The following MYRIP variants were observed in gnomAD, a reference collection of about 807,000 sequenced individuals.
The protein encoded by MYRIP is myosin VIIA and Rab interacting protein, also known as rab effector MyRIP.
In MYRIP, 49 loss-of-function variants were observed where a neutral mutation model predicts 98.0. That is an observed-to-expected ratio of 0.50 (90% CI 0.40 to 0.63). The LOEUF (loss-of-function observed/expected upper bound fraction) is 0.63, where lower values mean the gene tolerates loss of function less well. Ranked by LOEUF, MYRIP falls within the 30% of genes least tolerant of loss-of-function variation. The pLI, the probability that MYRIP is intolerant of heterozygous loss-of-function variation, is 0.00. For synonymous variants in MYRIP, 404 were observed against 409.5 expected (o/e 0.99, Z 0.16); for missense variants, 1,004 against 1,058.2 (o/e 0.95, Z 0.71).
rs753336555 is a variant in MYRIP at position 40,209,892 on chromosome 3, G to A, written c.1704G>A (p.Glu568=). ...TATCAGAGACAGACATCAGCAATGA[G>A]GCTCGGGATCCCCAGACTCTCACAG... ...DDLSETDISN[E]ARDPQTLTDT... Residue 568 remains glutamate (E), a synonymous_variant, in exon 11 of 17, where the codon GAG becomes GAA. Coordinates refer to ENST00000302541, the MANE Select transcript of MYRIP (RefSeq NM_015460.4). 7 of 1,613,866 alleles carry A rather than the reference G, an allele frequency of 4.3e-6. No individual in the cohort carries two copies. The highest frequency in any genetic ancestry group is 5.9e-6 in the Non-Finnish European group (7 of 1,179,920).
intron 3 of MYRIP, chr3:40,100,100 C>T (rs1362408579): frequency 4.1e-6 from 4 of 985,300 alleles, no homozygotes; most frequent in Non-Finnish European, 4.8e-6. Context: ...GACTACCTGG[C>T]TTATCCTCTG....
At position 39,959,870 on chromosome 3, in the gene MYRIP, C is replaced by G. The variant is rs565937790; in HGVS notation, c.110+58944C>G. 7.9e-5 allele frequency among the ~76,000 whole-genome samples: 12 copies of G among 152,190 alleles called. 1 individual carries two copies. In the South Asian group the frequency reaches 2.3e-3, roughly 29 times the overall value. ...CGTTTTTCTTCTGAATGGCAGTGCT[C>G]CTGTCTAGCACCATGGTGTTCGTGA... On this transcript the variant is annotated intron_variant, in intron 2 of 16. Transcript: ENST00000302541.
chr3:39,882,485 AT>A (rs1394212690), intron 1 of MYRIP, among the ~76,000 whole-genome samples: 1 of 152,088 alleles, frequency 6.6e-6, no homozygotes, highest in Non-Finnish European at 1.5e-5. Flanking sequence ...TATTATTTTA[AT>A]TTGTCTATTT....
At chr3:40,163,489 G>A (rs948741274) in intron 5 of MYRIP, among the ~76,000 whole-genome samples, 1 of 152,210 alleles carries the variant, frequency 6.6e-6, no homozygotes, top group African/African-American at 2.4e-5. Flanking sequence ...CATAGACTGA[G>A]AAAAGAAGAT....
At chr3:40,140,612 T>G (rs539985928) in intron 3 of MYRIP, among the ~76,000 whole-genome samples, 1 of 152,352 alleles carries the variant, frequency 6.6e-6, no homozygotes, top group African/African-American at 2.4e-5. Flanking sequence ...CTCTGCATCC[T>G]CATCAGCATT....
chr3:39,886,281 T>C (rs1355627326), intron 1 of MYRIP, among the ~76,000 whole-genome samples: 1 of 151,150 alleles, frequency 6.6e-6, no homozygotes, highest in African/African-American at 2.4e-5. Flanking sequence ...CTGCATCAAC[T>C]AACGAGCAAA....
intron 8 of MYRIP, among the ~76,000 whole-genome samples, chr3:40,171,610 G>C (rs1415683604): frequency 1.3e-5 from 2 of 152,222 alleles, no homozygotes; most frequent in Non-Finnish European, 2.9e-5. Flanking sequence ...CTTGGGCTCT[G>C]TCTCTGCCAC....
At chr3:39,873,411 C>A (rs1942870019) in intron 1 of MYRIP, among the ~76,000 whole-genome samples, 1 of 152,144 alleles carries the variant, frequency 6.6e-6, no homozygotes, top group African/African-American at 2.4e-5. Context: ...GAAGTCCTTG[C>A]CCATGCCTGT....
intron 10 of MYRIP, among the ~76,000 whole-genome samples, chr3:40,194,233 T>G (rs1200813306): frequency 6.6e-6 from 1 of 152,100 alleles, no homozygotes; most frequent in Non-Finnish European, 1.5e-5. Context: ...CGTCTGTACT[T>G]TATCCTTCTG....
At chr3:39,957,000 A>G (rs1314226240) in intron 2 of MYRIP, among the ~76,000 whole-genome samples, 1 of 151,876 alleles carries the variant, frequency 6.6e-6, no homozygotes, top group Non-Finnish European at 1.5e-5. Context: ...ATCCCTGAAT[A>G]GACCAATAAC....
intron 13 of MYRIP, among the ~76,000 whole-genome samples, chr3:40,245,196 A>G (rs1953151261): frequency 1.3e-5 from 2 of 152,248 alleles, no homozygotes; most frequent in Non-Finnish European, 2.9e-5. Flanking sequence ...ACTGATTGAC[A>G]TAGTCTCTAT....
chr3:40,039,360 G>C (rs1304495129), intron 2 of MYRIP, among the ~76,000 whole-genome samples: 2 of 152,124 alleles, frequency 1.3e-5, no homozygotes, highest in African/African-American at 4.8e-5. Flanking sequence ...TAAAAAGTCA[G>C]AATAGGAGGA....
chr3:40,125,057 G>T (rs534974919), intron 3 of MYRIP, among the ~76,000 whole-genome samples: 43 of 152,300 alleles, frequency 2.8e-4, no homozygotes, highest in African/African-American at 9.4e-4. Context: ...TTGTTGCAAG[G>T]ATTGAATAGG....
intron 1 of MYRIP, among the ~76,000 whole-genome samples, chr3:39,816,255 T>C (rs1267861406): frequency 6.6e-6 from 1 of 152,102 alleles, no homozygotes; most frequent in Admixed American, 6.5e-5. Context: ...CTAAATTTTT[T>C]GTATTTTTAG....
At chr3:39,877,241 T>C (rs980643107) in intron 1 of MYRIP, among the ~76,000 whole-genome samples, 2 of 152,162 alleles carry the variant, frequency 1.3e-5, no homozygotes, top group South Asian at 4.1e-4. Context: ...TTATACATTC[T>C]TCTAAATTTT....
intron 3 of MYRIP, among the ~76,000 whole-genome samples, chr3:40,144,220 C>A (rs1949967888): frequency 6.6e-6 from 1 of 152,182 alleles, no homozygotes; most frequent in African/African-American, 2.4e-5. Flanking sequence ...GAACAGAATC[C>A]TGCCCCTCCC....
chr3:39,900,032 G>A (rs763296602), intron 1 of MYRIP, among the ~76,000 whole-genome samples: 22 of 152,280 alleles, frequency 1.4e-4, no homozygotes, highest in Admixed American at 2.6e-4. Flanking sequence ...TGTTGGCCAG[G>A]CTGGTCTTGA....
At chr3:40,020,408 C>T (rs990391356) in intron 2 of MYRIP, among the ~76,000 whole-genome samples, 1 of 152,200 alleles carries the variant, frequency 6.6e-6, no homozygotes, top group East Asian at 1.9e-4. Flanking sequence ...ATTACTTACA[C>T]CTTTCGAGTT....
intron 2 of MYRIP, among the ~76,000 whole-genome samples, chr3:39,966,625 T>C (rs6808381): frequency 0.29 from 44,198 of 152,018 alleles, 7,042 homozygotes; most frequent in Non-Finnish European, 0.36. Context: ...TTATCCTCAG[T>C]TGGGGGCAGG....
Sources: gnomAD v4.1 joint callset for allele counts (sites outside exome capture counted in the v4.1 genomes callset) on GRCh38, gnomAD v4.1.1 for gene constraint, MANE v1.5 for transcripts, NCBI Gene and HGNC (gene_info 2026-07-23, HGNC 2026-07-21) for gene names.